The following WWOX variants were observed in gnomAD, a reference collection of about 807,000 sequenced individuals.
WWOX encodes the protein WW domain-containing oxidoreductase.
Under a neutral mutation model 46.2 loss-of-function variants are expected in WWOX, and 69 were observed. The observed-to-expected ratio is 1.49, with a 90% CI of 1.23 to 1.82. WWOX has a LOEUF of 1.82. Among genes scored for constraint, WWOX ranks in the 40% most tolerant of loss-of-function variants. WWOX has a pLI of 0.00. For synonymous variants in WWOX, 359 were observed against 202.6 expected, an observed-to-expected ratio of 1.77 and a Z score of -6.56; for missense variants, 919 against 542.6, an observed-to-expected ratio of 1.69 and a Z score of -6.89.
In WWOX at chr16:78,778,178, T is replaced by G. The variant is rs141011958; in HGVS notation, c.1056+345426T>G. On this transcript the variant is annotated intron_variant, in intron 8 of 8. Coordinates refer to ENST00000566780, the MANE Select transcript of WWOX (RefSeq NM_016373.4). ...CAAGTCACACAGTTAGCTTTATAGT[T>G]AAATCAGGGTGTGCCTGATTTCCTA... Among the ~76,000 whole-genome samples the G allele has an allele frequency of 7.4e-4, 112 of 152,278 alleles. 1 individual carries two copies. Among genetic ancestry groups the G allele is most frequent in the Middle Eastern group, 6.8e-3 (2 of 294 alleles).
intron 8 of WWOX, among the ~76,000 whole-genome samples, chr16:78,506,904 G>A (rs759715187): frequency 1.3e-5 from 2 of 151,902 alleles, no homozygotes; most frequent in Non-Finnish European, 2.9e-5. Flanking sequence ...AGTAGAGACG[G>A]GATTTCACCA....
At chr16:78,637,180 G>T (rs2046592587) in intron 8 of WWOX, among the ~76,000 whole-genome samples, 1 of 152,132 alleles carries the variant, frequency 6.6e-6, no homozygotes. Flanking sequence ...CCGGCACTTT[G>T]GGAGGCTGAA....
chr16:78,874,308 T>G (rs557378388), intron 8 of WWOX, among the ~76,000 whole-genome samples: 3 of 147,164 alleles, frequency 2.0e-5, no homozygotes, highest in South Asian at 2.2e-4. Flanking sequence ...AGGCCCTGAG[T>G]TGGGGAGTTG....
At chr16:79,196,915 G>T (rs1488057686) in intron 8 of WWOX, among the ~76,000 whole-genome samples, 1 of 152,178 alleles carries the variant, frequency 6.6e-6, no homozygotes, top group Non-Finnish European at 1.5e-5. Context: ...GTGTCACCCT[G>T]AGCATCTTTC....
At chr16:79,141,307 T>C (rs1199468019) in intron 8 of WWOX, among the ~76,000 whole-genome samples, 1 of 152,214 alleles carries the variant, frequency 6.6e-6, no homozygotes, top group Non-Finnish European at 1.5e-5. Context: ...CTTGCATATG[T>C]TGATTGATGT....
intron 5 of WWOX, among the ~76,000 whole-genome samples, chr16:78,195,312 A>T (rs2036013775): frequency 6.6e-6 from 1 of 152,018 alleles, no homozygotes; most frequent in African/African-American, 2.4e-5. Context: ...TGGCAGTTCT[A>T]CCCTAAGACC....
At chr16:78,551,798 G>C (rs369528307) in intron 8 of WWOX, 3 of 152,192 alleles carry the variant, frequency 2.0e-5, no homozygotes, top group Non-Finnish European at 4.4e-5. Flanking sequence ...CCAGGGACAT[G>C]ATTGCTCTTC....
chr16:78,518,378 C>T (rs2043282567), intron 8 of WWOX, among the ~76,000 whole-genome samples: 1 of 151,938 alleles, frequency 6.6e-6, no homozygotes, highest in South Asian at 2.1e-4. Context: ...ACTATAGGCA[C>T]CTGGCTAATT....
At chr16:78,428,816 G>T (rs913652176) in intron 7 of WWOX, among the ~76,000 whole-genome samples, 12 of 152,124 alleles carry the variant, frequency 7.9e-5, no homozygotes, top group Admixed American at 7.2e-4. Context: ...AGATTAGCAT[G>T]GGCAACAAAG....
intron 8 of WWOX, among the ~76,000 whole-genome samples, chr16:78,464,052 C>A (rs1371835685): frequency 6.6e-6 from 1 of 152,160 alleles, no homozygotes; most frequent in African/African-American, 2.4e-5. Context: ...GGAGATGAAG[C>A]TGATCAGAGC....
chr16:79,041,676 A>G (rs1458193235), intron 8 of WWOX, among the ~76,000 whole-genome samples: 1 of 152,202 alleles, frequency 6.6e-6, no homozygotes, highest in Non-Finnish European at 1.5e-5. Context: ...GACAGAAGCC[A>G]TCACTGCAAA....
chr16:78,402,508 G>C (rs1465033094), intron 6 of WWOX, among the ~76,000 whole-genome samples: 1 of 152,086 alleles, frequency 6.6e-6, no homozygotes, highest in African/African-American at 2.4e-5. Flanking sequence ...TTGGAAAGTA[G>C]GGTTGGAGGT....
intron 7 of WWOX, among the ~76,000 whole-genome samples, 198 bp from the exon 8 acceptor site, chr16:78,432,290 G>T (rs1555538352): frequency 6.6e-6 from 1 of 152,002 alleles, no homozygotes; most frequent in Non-Finnish European, 1.5e-5. Flanking sequence ...ATTTTTAGTA[G>T]AGATGGCATT....
chr16:78,611,646 G>T (rs758697256), intron 8 of WWOX, among the ~76,000 whole-genome samples: 4 of 152,200 alleles, frequency 2.6e-5, no homozygotes, highest in Admixed American at 2.0e-4. Flanking sequence ...TGCTGCGTTA[G>T]CCAGCCTCTG....
chr16:78,104,171 C>T (rs942762063), intron 1 of WWOX, among the ~76,000 whole-genome samples: 2 of 151,514 alleles, frequency 1.3e-5, no homozygotes, highest in African/African-American at 4.9e-5. Context: ...CCTGTGTCCA[C>T]AGGGCTGGCT....
chr16:79,133,533 A>G (rs1007198071), intron 8 of WWOX, among the ~76,000 whole-genome samples: 4 of 152,174 alleles, frequency 2.6e-5, no homozygotes, highest in African/African-American at 9.7e-5. Flanking sequence ...AGGTCCTTAA[A>G]TGTTCTTTTC....
intron 8 of WWOX, among the ~76,000 whole-genome samples, chr16:79,200,427 G>C (rs2051324035): frequency 1.3e-5 from 2 of 152,108 alleles, no homozygotes; most frequent in African/African-American, 4.8e-5. Context: ...TATGGGTTTT[G>C]AACCCAGACC....
intron 8 of WWOX, among the ~76,000 whole-genome samples, chr16:79,095,822 C>T (rs1412031463): frequency 2.0e-5 from 3 of 150,760 alleles, no homozygotes; most frequent in South Asian, 2.1e-4. Context: ...AGGTTGCCCT[C>T]GCCTCCCGCC....
At chr16:79,114,546 G>T (rs779905627) in intron 8 of WWOX, among the ~76,000 whole-genome samples, 1 of 151,940 alleles carries the variant, frequency 6.6e-6, no homozygotes, top group South Asian at 2.1e-4. Context: ...CCACCACCAG[G>T]AGCTGGAAGT....
Sources: gnomAD v4.1 joint callset for allele counts (sites outside exome capture counted in the v4.1 genomes callset) on GRCh38, gnomAD v4.1.1 for gene constraint, MANE v1.5 for transcripts, NCBI Gene and HGNC (gene_info 2026-07-23, HGNC 2026-07-21) for gene names.